MAOB: variants seen among roughly 807,000 people sequenced by gnomAD.
MAOB encodes the protein monoamine oxidase B, also known as amine oxidase [flavin-containing] B.
Under a neutral mutation model 41.9 loss-of-function variants are expected in MAOB, and 15 were observed. The observed-to-expected ratio is 0.36, with a 90% confidence interval of 0.24 to 0.55. The LOEUF (loss-of-function observed/expected upper bound fraction) is 0.55. Among genes scored for constraint, MAOB ranks in the 20% least tolerant of loss-of-function variants. The pLI, the probability that MAOB is intolerant of heterozygous loss-of-function variation, is 0.86. For missense variants in MAOB, 345 were observed against 398.7 expected (o/e 0.87, Z 1.15); for synonymous variants, 167 against 144.2 (o/e 1.16, Z -1.13).
intron 3 of MAOB, among the ~76,000 whole-genome samples, chrX:43,820,429 A>T (rs1488006664): frequency 2.7e-5 from 3 of 112,317 alleles, no homozygotes; most frequent in Non-Finnish European, 5.6e-5. Flanking sequence ...GGTTTGGAAA[A>T]TTTCACTACA....
chrX:43,819,357 T>C (rs1044293771), intron 3 of MAOB, among the ~76,000 whole-genome samples: 1 of 111,426 alleles, frequency 9.0e-6, no homozygotes, highest in Non-Finnish European at 1.9e-5. Flanking sequence ...CCAATGACTA[T>C]CTACATGAGG....
chrX:43,847,239 T>C (rs1569228804), intron 1 of MAOB, among the ~76,000 whole-genome samples: 1 of 110,515 alleles, frequency 9.0e-6, no homozygotes, highest in Non-Finnish European at 1.9e-5. Flanking sequence ...AACTACTCGG[T>C]AGGCTGAGGC....
intron 3 of MAOB, among the ~76,000 whole-genome samples, chrX:43,833,168 T>C (rs747732887): frequency 1.3e-4 from 14 of 111,646 alleles, no homozygotes; most frequent in Non-Finnish European, 2.4e-4. Context: ...AACCTTTAGG[T>C]CCTCACCTGT....
chrX:43,840,960 C>G (rs1003843900), intron 2 of MAOB, among the ~76,000 whole-genome samples: 1 of 107,653 alleles, frequency 9.3e-6, no homozygotes, highest in Admixed American at 9.9e-5. Flanking sequence ...CCGTTCACTC[C>G]CCTGGAAAGG....
chrX:43,825,389 T>G (rs1349797969), intron 3 of MAOB, among the ~76,000 whole-genome samples: 1 of 110,299 alleles, frequency 9.1e-6, no homozygotes, highest in East Asian at 2.8e-4. Context: ...TTTTAATTTA[T>G]TTATTTATTA....
chrX:43,877,527 T>G (rs1167806214), intron 1 of MAOB, among the ~76,000 whole-genome samples: 2 of 112,142 alleles, frequency 1.8e-5, no homozygotes, highest in Admixed American at 1.9e-4. Flanking sequence ...GTACAGCATG[T>G]AGATAACGCT....
chrX:43,843,566 C>G, intron 2 of MAOB, 104 bp downstream of exon 2: 3 of 718,404 alleles, frequency 4.2e-6, no homozygotes, highest in South Asian at 3.4e-5. Flanking sequence ...TTTTCACCCT[C>G]TTAGAGTCAA....
chrX:43,830,259 T>C (rs757968003), intron 3 of MAOB, among the ~76,000 whole-genome samples: 8 of 111,494 alleles, frequency 7.2e-5, no homozygotes, highest in African/African-American at 2.6e-4. Flanking sequence ...ACTTAGGTTT[T>C]CTTAGAGACT....
chrX:43,876,328 T>C (rs1431834435), intron 1 of MAOB, among the ~76,000 whole-genome samples: 1 of 112,297 alleles, frequency 8.9e-6, no homozygotes, highest in African/African-American at 3.2e-5. Flanking sequence ...CTGATATAAA[T>C]GAAAGATGCA....
intron 3 of MAOB, among the ~76,000 whole-genome samples, chrX:43,837,217 A>G (rs768645639): frequency 2.0e-4 from 23 of 112,756 alleles, no homozygotes; most frequent in African/African-American, 7.1e-4. Context: ...ATTTAAAAAA[A>G]CAAAGAACCC....
chrX:43,788,025 A>G (rs73472060), intron 8 of MAOB, among the ~76,000 whole-genome samples: 3,745 of 111,291 alleles, frequency 0.034, 185 homozygotes, highest in African/African-American at 0.11. Context: ...GAAGGAAAGA[A>G]GATATTTACT....
chrX:43,790,667 C>T (rs1272200211), intron 8 of MAOB, among the ~76,000 whole-genome samples: 1 of 110,403 alleles, frequency 9.1e-6, no homozygotes, highest in African/African-American at 3.3e-5. Flanking sequence ...CTGTATCCTC[C>T]ACCTCCTGGG....
chrX:43,815,072 C>A (rs2057668814), intron 3 of MAOB, among the ~76,000 whole-genome samples: 1 of 111,097 alleles, frequency 9.0e-6, no homozygotes, highest in Admixed American at 9.6e-5. Context: ...GGTTTTATGA[C>A]CCTAATTCTT....
intron 8 of MAOB, among the ~76,000 whole-genome samples, chrX:43,789,078 A>G (rs1441068259): frequency 8.9e-6 from 1 of 112,045 alleles, no homozygotes; most frequent in Non-Finnish European, 1.9e-5. Flanking sequence ...TACATCTTAT[A>G]CACATAGTCT....
intron 1 of MAOB, among the ~76,000 whole-genome samples, chrX:43,862,302 T>C (rs1349332747): frequency 1.8e-5 from 2 of 111,942 alleles, no homozygotes; most frequent in African/African-American, 6.5e-5. Flanking sequence ...GGGTTCTCCA[T>C]GTAAATTCTT....
chrX:43,804,406 A>G (rs1318965840), intron 3 of MAOB, among the ~76,000 whole-genome samples: 2 of 110,968 alleles, frequency 1.8e-5, no homozygotes, highest in African/African-American at 3.3e-5. Flanking sequence ...ATACAGCTTT[A>G]TGTTTCTTCT....
chrX:43,773,493 G>C (rs1244235665), intron 12 of MAOB, among the ~76,000 whole-genome samples: 1 of 112,651 alleles, frequency 8.9e-6, no homozygotes, highest in Non-Finnish European at 1.9e-5. Flanking sequence ...ACAGTGCTTC[G>C]CAAATGGTTG....
At chrX:43,785,374 G>C (rs2034386469) in intron 8 of MAOB, among the ~76,000 whole-genome samples, 1 of 112,102 alleles carries the variant, frequency 8.9e-6, no homozygotes, top group Admixed American at 9.4e-5. Flanking sequence ...AAGAGAGTTG[G>C]GGGCCTTGCT....
chrX:43,781,531 G>A lies in MAOB; in HGVS notation c.942C>T (p.Thr314=). ...PFWRKKDYCG[T]MIIDGEEAPV... ...GAGCTTCTTCTCCATCAATAATCAT[G>A]GTTCCACAGTAATCTTAGAGAACAG... The change falls in exon 9 of 15, where the codon ACC becomes ACT. Residue 314 remains threonine, a synonymous_variant. Transcript: ENST00000378069. 3 of 1,167,295 alleles carry A rather than the reference G, an allele frequency of 2.6e-6. No homozygotes were observed. The South Asian group carries it at 5.6e-5, about 22-fold the overall frequency.
Sources: gnomAD v4.1 joint callset for allele counts (sites outside exome capture counted in the v4.1 genomes callset) on GRCh38, gnomAD v4.1.1 for gene constraint, MANE v1.5 for transcripts, NCBI Gene and HGNC (gene_info 2026-07-23, HGNC 2026-07-21) for gene names.